CRB2: variants seen among roughly 807,000 people sequenced by gnomAD.
CRB2 encodes the protein crumbs cell polarity complex component 2.
A neutral mutation model predicts 110.9 loss-of-function variants in CRB2; 85 were observed. The observed-to-expected ratio is 0.77, with a 90% CI of 0.64 to 0.92. The LOEUF (loss-of-function observed/expected upper bound fraction) is 0.92, where lower values mean the gene tolerates loss of function less well. CRB2 is among the 40% of genes least tolerant of loss of function. The pLI is 0.00. For synonymous variants in CRB2, 907 were observed against 831.0 expected, an observed-to-expected ratio of 1.09 and a Z score of -1.57; for missense variants, 1,843 against 1,851.3, an observed-to-expected ratio of 1.00 and a Z score of 0.08.
chr9:123,374,348 C>A (rs1008752114), intron 10 of CRB2, among the ~76,000 whole-genome samples: 22 of 152,294 alleles, frequency 1.4e-4, no homozygotes, highest in Middle Eastern at 6.8e-3. Context: ...TTAGGAGCTG[C>A]TTTTGTTCAG....
At chr9:123,356,036 A>G, upstream of CRB2, 1 of 403,230 alleles carries the variant, frequency 2.5e-6, no homozygotes, top group East Asian at 3.6e-5. Flanking sequence ...TCAGCCCCAC[A>G]GGCTAGGGGG....
upstream of CRB2, among the ~76,000 whole-genome samples, chr9:123,354,368 T>G (rs563567992): frequency 6.6e-6 from 1 of 152,222 alleles, no homozygotes; most frequent in African/African-American, 2.4e-5. Flanking sequence ...AACCAGAGGG[T>G]GGTGGTTGAC....
chr9:123,374,051 A>T, intron 10 of CRB2, 131 bp downstream of exon 10: 1 of 1,150,012 alleles, frequency 8.7e-7, no homozygotes, highest in Non-Finnish European at 1.3e-6. Context: ...TGACATGAGG[A>T]GGACAGTTTA....
At position 123,373,912 on chromosome 9, in the gene CRB2, G is replaced by C; in HGVS notation, c.3381G>C (p.Pro1127=). The change falls in exon 10 of 13, where the codon CCG becomes CCC. Residue 1127 remains proline, a synonymous_variant. Transcript: ENST00000373631. ...GCTGCCCGCCTGGCTTCGGGGGCCC[G>C]CGCTGCAGGTGGGATGGCTGGGCAG... ...ECRCPPGFGG[P]RCRLPVPSKE... is the part of the protein sequence containing the mutation. 1 of 1,549,344 alleles carries C rather than the reference G, an allele frequency of 6.5e-7. No homozygotes were observed. Among genetic ancestry groups the C allele is most frequent in the Non-Finnish European group, 8.7e-7 (1 of 1,147,764 alleles).
chr9:123,364,381 T>TGTGGGCAGTGG (rs1564370309), intron 2 of CRB2, among the ~76,000 whole-genome samples: 1 of 152,030 alleles, frequency 6.6e-6, no homozygotes, highest in African/African-American at 2.4e-5. Context: ...CAGTGGGTTG[T>TGTGGGCAGTGG]GCATCCGGAT....
In CRB2 at chr9:123,371,075, C is replaced by G; in HGVS notation, c.1933C>G (p.Pro645Ala). ...GGCACCTTCTCTCCCTGCAGAGATTCCTGCTGCCACCTTTGGCTTGGGAGG... is the reference window on the plus strand; with the variant it reads ...GGCACCTTCTCTCCCTGCAGAGATTGCTGCTGCCACCTTTGGCTTGGGAGG... Reference protein sequence around the residue: ...HRGPTCADEIPAATFGLGGAP... With the variant: ...HRGPTCADEIAAATFGLGGAP... The change falls in exon 8 of 13, where the codon CCT becomes GCT. Residue 645 changes from proline (P) to alanine (A), a missense_variant. Physicochemically the swap from Pro to Ala is conservative, Grantham distance 27 (BLOSUM62 -1). Coordinates refer to ENST00000373631, the MANE Select transcript of CRB2 (RefSeq NM_173689.7). The G allele has an allele frequency of 1.2e-6, 2 of 1,611,746 alleles. No homozygotes were observed. The highest frequency in any genetic ancestry group is 1.7e-6 in the Non-Finnish European group (2 of 1,179,130).
chr9:123,373,594 C>T lies in CRB2; in HGVS notation c.3063C>T (p.Gly1021=), dbSNP rs768144582. Residue 1021 remains glycine (G), a synonymous_variant, in exon 10 of 13, where the codon GGC becomes GGT. Transcript: ENST00000373631. ...TGCLGRVALG[G]LPLPLARPRP... is the part of the protein sequence containing the mutation. The stretch of plus-strand genomic sequence containing the variant: ...GCTTGGGCCGCGTGGCGCTGGGCGG[C>T]CTGCCCCTGCCCTTGGCGCGGCCCC... 1.9e-5 allele frequency: 27 copies of T among 1,384,722 alleles called. No individual in the cohort carries two copies. The South Asian group carries it at 3.8e-4, about 20-fold the overall frequency. The allele number at this position is 1,384,722 out of a possible 1,614,324, so 85.8% of individuals were successfully genotyped here.
intron 6 of CRB2, 63 bp downstream of exon 6, chr9:123,367,749 C>T (rs999301044): frequency 4.5e-6 from 5 of 1,119,050 alleles, no homozygotes; most frequent in Non-Finnish European, 6.5e-6. Context: ...GAGAAGGTCC[C>T]TTCTGTCTGG....
Position 123,370,665 on chromosome 9 carries a change from G to A in CRB2, c.1612G>A (p.Glu538Lys), listed in dbSNP as rs1472605451. 6.2e-7 allele frequency: 1 copy of A among 1,607,468 alleles called. No homozygotes were observed. The highest frequency in any genetic ancestry group is 1.3e-5 in the African/African-American group (1 of 75,070). ...LATLELRLWH[E>K]GCPARLCVAS... is the part of the protein sequence containing the mutation. ...GACCCTGGAGCTACGGCTCTGGCAT[G>A]AGGGCTGCCCTGCCCGGCTCTGTGT... Residue 538 changes from glutamate to lysine, a missense_variant, in exon 7 of 13, where the codon GAG becomes AAG. Physicochemically the swap from Glu to Lys is moderately conservative, Grantham distance 56 (BLOSUM62 1). Transcript: ENST00000373631.
chr9:123,372,552 AG>A (rs1209354871), intron 9 of CRB2, among the ~76,000 whole-genome samples: 1 of 152,218 alleles, frequency 6.6e-6, no homozygotes, highest in Non-Finnish European at 1.5e-5. Flanking sequence ...TGAGAGCCAC[AG>A]GGGGAAGGAT....
Position 123,373,622 on chromosome 9 carries a change from C to T in CRB2, c.3091C>T (p.Pro1031Ser). Residue 1031 changes from proline (P) to serine (S), a missense_variant, in exon 10 of 13, where the codon CCC (proline) becomes TCC (serine). Transcript: ENST00000373631. The stretch of plus-strand genomic sequence containing the variant: ...GCCCCTGCCCTTGGCGCGGCCCCGG[C>T]CCGGCGCGGCCCCTGGCGCCCGAGA... The part of the protein sequence containing the change: ...GLPLPLARPR[P>S]GAAPGAREHF... 2.2e-6 allele frequency: 3 copies of T among 1,361,234 alleles called. No homozygotes were observed. The highest frequency in any genetic ancestry group is 1.8e-5 in the South Asian group (1 of 55,162). The allele number at this position is 1,361,234 out of a possible 1,614,324, so 84.3% of individuals were successfully genotyped here.
intron 2 of CRB2, among the ~76,000 whole-genome samples, chr9:123,364,174 C>T (rs978197762): frequency 1.3e-5 from 2 of 152,178 alleles, no homozygotes; most frequent in Non-Finnish European, 2.9e-5. Flanking sequence ...AGTGTCTCAG[C>T]GTCTGGGTGT....
Position 123,366,213 on chromosome 9 carries a change from T to C in CRB2, c.615-14T>C, listed in dbSNP as rs2041929207. Reference sequence around the variant, plus strand: ...GCAGGCGCGCGCTCAGCTCCGCCGGTGCGCCCTCCCCAGGTTCCGGTGCGA... The same window carrying C: ...GCAGGCGCGCGCTCAGCTCCGCCGGCGCGCCCTCCCCAGGTTCCGGTGCGA... On this transcript the variant is annotated splice_polypyrimidine_tract_variant and intron_variant, in intron 3 of 12. Coordinates refer to ENST00000373631, the MANE Select transcript of CRB2 (RefSeq NM_173689.7). 3.5e-6 allele frequency: 5 copies of C among 1,419,796 alleles called. No homozygotes were observed. In the East Asian group the frequency reaches 1.2e-4, roughly 35 times the overall value. 87.9% of individuals were successfully genotyped at this position (1,419,796 alleles called of 1,614,324 possible). A position where few individuals can be genotyped will look rare whatever the true frequency, so the allele number is the denominator to read the frequency against.
chr9:123,377,417 TGTGA>T lies in CRB2; in HGVS notation c.*359_*362del, dbSNP rs1462077885. 3 of 223,268 alleles carry T rather than the reference TGTGA, an allele frequency of 1.3e-5. No individual in the cohort carries two copies. Among genetic ancestry groups the T allele is most frequent in the African/African-American group, 2.3e-5 (1 of 43,992 alleles). 13.8% of individuals were successfully genotyped at this position (223,268 alleles called of 1,614,324 possible). ...GCCTGTGTTAGTCTGCAGATGCTAGTGTGAGTGTGTCCTGACATGGCTCCAGGGC... is the reference window on the plus strand; with the variant it reads ...GCCTGTGTTAGTCTGCAGATGCTAGTGTGTGTCCTGACATGGCTCCAGGGC... On this transcript the variant is annotated 3_prime_UTR_variant, in exon 13 of 13. Coordinates refer to ENST00000373631, the MANE Select transcript of CRB2 (RefSeq NM_173689.7).
chr9:123,371,683 G>A (rs976577561), intron 8 of CRB2, 105 bp downstream of exon 8: 2 of 1,485,322 alleles, frequency 1.3e-6, no homozygotes, highest in African/African-American at 2.7e-5. Context: ...TGAGGAAACT[G>A]AGGCTCAGGA....
chr9:123,357,497 A>G (rs908945741), intron 1 of CRB2, among the ~76,000 whole-genome samples: 1 of 151,860 alleles, frequency 6.6e-6, no homozygotes, highest in Non-Finnish European at 1.5e-5. Flanking sequence ...TATCCTCTCT[A>G]TGGGGCCCTA....
intron 10 of CRB2, 144 bp from the exon 11 acceptor site, chr9:123,374,435 C>G (rs950977890): frequency 7.5e-6 from 5 of 665,332 alleles, no homozygotes; most frequent in African/African-American, 7.2e-5. Flanking sequence ...TCCCTCCCAT[C>G]AGGGACCTCA....
chr9:123,363,441 G>A (rs2041893067), intron 2 of CRB2, among the ~76,000 whole-genome samples: 1 of 152,210 alleles, frequency 6.6e-6, no homozygotes, highest in Admixed American at 6.5e-5. Flanking sequence ...TTTCAGTCCA[G>A]CCTAGAGTTC....
chr9:123,373,822 C>T lies in CRB2; in HGVS notation c.3291C>T (p.Pro1097=). The T allele has an allele frequency of 6.3e-7, 1 of 1,581,502 alleles. No individual in the cohort carries two copies. The highest frequency in any genetic ancestry group is 8.5e-7 in the Non-Finnish European group (1 of 1,171,352). The change falls in exon 10 of 13, where the codon CCC becomes CCT. Residue 1097 remains proline (P), a synonymous_variant. Coordinates refer to ENST00000373631, the MANE Select transcript of CRB2 (RefSeq NM_173689.7). ...CGCGCTGCGAAGCCCACGTCGACCC[C>T]TGTCACTCCGCCCCCTGCGCCCGTG... ...EGPRCEAHVD[P]CHSAPCARGR... is the part of the protein sequence containing the mutation.
Sources: allele counts gnomAD v4.1 joint callset (sites outside exome capture counted in the v4.1 genomes callset), GRCh38; gene constraint gnomAD v4.1.1; transcripts MANE v1.5; gene names NCBI Gene and HGNC (gene_info 2026-07-23, HGNC 2026-07-21).